The following SSBP3 variants were observed in gnomAD, a reference collection of about 807,000 sequenced individuals.
The protein encoded by SSBP3 is single-stranded DNA-binding protein 3.
SSBP3 carries 5 observed loss-of-function variants against 69.6 expected under a neutral mutation model. The ratio of observed to expected loss-of-function variants is 0.07; its 90% confidence interval spans 0.04 to 0.15. SSBP3 has a LOEUF of 0.15. Among genes scored for constraint, SSBP3 ranks in the 10% least tolerant of loss-of-function variants. The probability of loss-of-function intolerance (pLI) is 1.00; values close to 1 mark genes in which losing one functional copy is unlikely to be tolerated. For missense variants in SSBP3, 312 were observed against 534.0 expected (o/e 0.58, Z 4.10); for synonymous variants, 196 against 193.4 (o/e 1.01, Z -0.11).
chr1:54,267,271 C>T (rs1257902495), intron 5 of SSBP3, among the ~76,000 whole-genome samples: 1 of 152,190 alleles, frequency 6.6e-6, no homozygotes, highest in Admixed American at 6.5e-5. Flanking sequence ...TACAACAGGG[C>T]ACTCTTTTCA....
intron 4 of SSBP3, chr1:54,286,304 C>T (rs11206317): frequency 0.072 from 10,899 of 152,252 alleles, 758 homozygotes; most frequent in African/African-American, 0.17. Flanking sequence ...ACAAAAACAA[C>T]AAATAAAGCT....
intron 14 of SSBP3, among the ~76,000 whole-genome samples, chr1:54,230,204 C>T (rs115994005): frequency 8.3e-4 from 127 of 152,244 alleles, no homozygotes; most frequent in African/African-American, 2.8e-3. Flanking sequence ...GGAGGGGTGG[C>T]GCATCCTTGC....
At chr1:54,233,689 C>A (rs1644430943) in intron 14 of SSBP3, among the ~76,000 whole-genome samples, 1 of 147,610 alleles carries the variant, frequency 6.8e-6, no homozygotes, top group Admixed American at 6.7e-5. Flanking sequence ...TCTGCCCGGC[C>A]AGCCGCCCCG....
At chr1:54,358,015 G>A (rs1055984754) in intron 4 of SSBP3, among the ~76,000 whole-genome samples, 3 of 152,192 alleles carry the variant, frequency 2.0e-5, no homozygotes, top group Admixed American at 6.5e-5. Context: ...TAATCCACTC[G>A]TGGGCAGGGC....
rs368799292 is a variant in SSBP3 at position 54,257,170 on chromosome 1, C to T, written c.464G>A (p.Arg155Gln). Residue 155 changes from arginine (R) to glutamine (Q), a missense_variant, in exon 7 of 18, where the codon CGA becomes CAA. By Grantham distance (43) the Arg-to-Gln change is conservative. Around this residue, in one of 4 missense-constraint regions of SSBP3, gnomAD observed 134 missense variants for 212.1 expected, o/e 0.63. Transcript: ENST00000610401. ...CGGGGGCCTGGGGCCGCCTGCGTATCGCGGTGACATAAAAGGCTGCAATTA... is the reference window on the plus strand; with the variant it reads ...CGGGGGCCTGGGGCCGCCTGCGTATTGCGGTGACATAAAAGGCTGCAATTA... 13 of 1,602,646 alleles carry T rather than the reference C, an allele frequency of 8.1e-6. No homozygotes were observed. Among genetic ancestry groups the T allele is most frequent in the Non-Finnish European group, 1.1e-5 (13 of 1,175,652 alleles).
intron 5 of SSBP3, among the ~76,000 whole-genome samples, chr1:54,279,125 C>A (rs561533778): frequency 2.1e-4 from 32 of 152,160 alleles, no homozygotes; most frequent in Non-Finnish European, 4.1e-4. Flanking sequence ...AATCACCCAA[C>A]GTCACCCAGG....
chr1:54,350,635 A>G (rs1646767228), intron 4 of SSBP3, among the ~76,000 whole-genome samples: 1 of 152,144 alleles, frequency 6.6e-6, no homozygotes, highest in African/African-American at 2.4e-5. Flanking sequence ...ACTCCAATCA[A>G]CTACTACTTT....
Position 54,258,011 on chromosome 1 carries a change from T to C in SSBP3, c.447+58A>G. On this transcript the variant is annotated intron_variant, in intron 6 of 17. Coordinates refer to ENST00000610401, the Ensembl canonical transcript of SSBP3. The surrounding 1 kb of genome is among the most constrained non-coding windows in gnomAD (Gnocchi z 4.5). ...TGATTTTTGTTTTTCCTCTGCGGGC[T>C]CTCTGCTTCCTCCGCGCCCCGCGTC... The C allele has an allele frequency of 1.3e-6, 2 of 1,507,172 alleles. No homozygotes were observed. The highest frequency in any genetic ancestry group is 2.4e-5 in the South Asian group (2 of 81,822). 93.4% of individuals were successfully genotyped at this position (1,507,172 alleles called of 1,614,324 possible).
At chr1:54,374,308 C>G (rs889386029) in intron 4 of SSBP3, among the ~76,000 whole-genome samples, 1 of 152,194 alleles carries the variant, frequency 6.6e-6, no homozygotes, top group African/African-American at 2.4e-5. Flanking sequence ...TGGTTCCTGC[C>G]GCTACTCACA....
chr1:54,382,277 G>A (rs1318368425), intron 4 of SSBP3, among the ~76,000 whole-genome samples: 2 of 152,308 alleles, frequency 1.3e-5, no homozygotes, highest in East Asian at 1.9e-4. Context: ...GTCTCACTAT[G>A]TTGCCCAGGC....
chr1:54,233,022 T>C (rs376808576), intron 14 of SSBP3, among the ~76,000 whole-genome samples: 2 of 145,052 alleles, frequency 1.4e-5, no homozygotes, highest in Non-Finnish European at 3.0e-5. Flanking sequence ...AAGTGAGGAG[T>C]GTCTCTGCCT....
rs11206331 is a variant in SSBP3, at chr1:54,317,081, C to T, written c.277-35554G>A. On this transcript the variant is annotated intron_variant, in intron 4 of 17. Transcript: ENST00000610401. ...TTGGGGAGACTCAGTATTCAGATCACAGCAAAAATCATCCACAATGGAAGG... is the reference window on the plus strand; with the variant it reads ...TTGGGGAGACTCAGTATTCAGATCATAGCAAAAATCATCCACAATGGAAGG... 1.8e-3 allele frequency among the ~76,000 whole-genome samples: 273 copies of T among 152,214 alleles called. 1 individual carries two copies. The highest frequency in any genetic ancestry group is 6.1e-3 in the African/African-American group (252 of 41,536).
intron 4 of SSBP3, among the ~76,000 whole-genome samples, chr1:54,362,600 A>G (rs1330385752): frequency 6.6e-6 from 1 of 152,250 alleles, no homozygotes; most frequent in Admixed American, 6.5e-5. Context: ...GGCGCAAGAT[A>G]TTAGACCAGG....
chr1:54,400,024 T>C (rs1048004235), intron 4 of SSBP3, among the ~76,000 whole-genome samples: 13 of 152,178 alleles, frequency 8.5e-5, no homozygotes, highest in African/African-American at 3.1e-4. Flanking sequence ...CCTCATCTCT[T>C]AGTAGCATCT....
intron 4 of SSBP3, among the ~76,000 whole-genome samples, chr1:54,357,390 C>T (rs1415982555): frequency 6.6e-6 from 1 of 151,946 alleles, no homozygotes. Context: ...GAAGGTAGGT[C>T]AATGTGGGGG....
chr1:54,393,714 G>A (rs1398005613), intron 4 of SSBP3, among the ~76,000 whole-genome samples: 2 of 152,194 alleles, frequency 1.3e-5, no homozygotes, highest in Non-Finnish European at 2.9e-5. Context: ...TATATATTGT[G>A]TGTATATGTG....
intron 4 of SSBP3, among the ~76,000 whole-genome samples, chr1:54,353,433 C>T (rs909009354): frequency 2.0e-5 from 3 of 152,210 alleles, no homozygotes; most frequent in Non-Finnish European, 2.9e-5. Context: ...GCCAGGCCAT[C>T]CTCAGAAGCT....
chr1:54,338,612 T>C (rs1646551901), intron 4 of SSBP3, among the ~76,000 whole-genome samples: 1 of 152,228 alleles, frequency 6.6e-6, no homozygotes. Context: ...CTAAAGGGTA[T>C]GAGCTCAAGT....
At chr1:54,382,972 C>T (rs181839415) in intron 4 of SSBP3, among the ~76,000 whole-genome samples, 11 of 84,650 alleles carry the variant, frequency 1.3e-4, no homozygotes, top group African/African-American at 5.6e-4. Context: ...GCAACAAGAG[C>T]GAAACTCCAT....
Sources: allele counts gnomAD v4.1 joint callset (sites outside exome capture counted in the v4.1 genomes callset), GRCh38; gene constraint gnomAD v4.1.1; regional missense constraint gnomAD v4.1.1; non-coding constraint Gnocchi (gnomAD v3.1); transcripts MANE v1.5; gene names NCBI Gene and HGNC (gene_info 2026-07-23, HGNC 2026-07-21).